Variants in TBX20 observed in about 807,000 individuals in gnomAD.
TBX20 encodes the protein T-box transcription factor 20.
Under a neutral mutation model 42.9 loss-of-function variants are expected in TBX20, and 8 were observed. The observed-to-expected ratio is 0.19, with a 90% CI of 0.11 to 0.34. The LOEUF (loss-of-function observed/expected upper bound fraction) is 0.34, where lower values mean the gene tolerates loss of function less well. Ranked by LOEUF, TBX20 falls within the 10% of genes least tolerant of loss-of-function variation. The probability of loss-of-function intolerance (pLI) is 1.00; values close to 1 mark genes in which losing one functional copy is unlikely to be tolerated. For synonymous variants in TBX20, 198 were observed against 222.8 expected (o/e 0.89, Z 0.99); for missense variants, 411 against 566.0 (o/e 0.73, Z 2.78).
At chr7:35,207,001 A>G (rs1334052527) in intron 6 of TBX20, among the ~76,000 whole-genome samples, 3 of 150,704 alleles carry the variant, frequency 2.0e-5, no homozygotes, top group African/African-American at 7.3e-5. Flanking sequence ...TTTTTAACAA[A>G]TGGACATATA....
chr7:35,230,124 A>G (rs1427189986), intron 6 of TBX20, among the ~76,000 whole-genome samples: 2 of 152,186 alleles, frequency 1.3e-5, no homozygotes, highest in Non-Finnish European at 2.9e-5. Context: ...TAAAACTGAG[A>G]AAAAGTTCAC....
chr7:35,235,658 C>A lies in TBX20; in HGVS notation c.814-4078G>T, dbSNP rs532277195. 1.9e-3 allele frequency among the ~76,000 whole-genome samples: 295 copies of A among 152,322 alleles called. 2 individuals carry two copies. Among genetic ancestry groups the A allele is most frequent in the African/African-American group, 7.0e-3 (290 of 41,578 alleles). ...TCCAAGTTACTAATTCAGTCCAAAACACAACCCTGCTTTTTCGTGTATTTA... is the reference window on the plus strand; with the variant it reads ...TCCAAGTTACTAATTCAGTCCAAAAAACAACCCTGCTTTTTCGTGTATTTA... On this transcript the variant is annotated intron_variant, in intron 5 of 7. Coordinates refer to ENST00000408931, the MANE Select transcript of TBX20 (RefSeq NM_001077653.2).
intron 6 of TBX20, among the ~76,000 whole-genome samples, chr7:35,205,803 T>A (rs1789390163): frequency 6.6e-6 from 1 of 152,196 alleles, no homozygotes; most frequent in South Asian, 2.1e-4. Flanking sequence ...TTAAGTTACA[T>A]CTCTATTCTC....
intron 2 of TBX20, 92 bp from the exon 3 acceptor site, chr7:35,248,933 G>T: frequency 6.6e-7 from 1 of 1,517,770 alleles, no homozygotes; most frequent in Non-Finnish European, 9.1e-7. Flanking sequence ...GAGGGAAGGA[G>T]GGAAAGGGTC....
intron 6 of TBX20, among the ~76,000 whole-genome samples, chr7:35,212,932 A>G (rs1194681814): frequency 5.3e-5 from 8 of 152,084 alleles, no homozygotes; most frequent in Non-Finnish European, 8.8e-5. Flanking sequence ...TGCTTTTTCC[A>G]TGCAGCTTTC....
chr7:35,233,131 A>T (rs1789899781), intron 5 of TBX20, among the ~76,000 whole-genome samples: 1 of 152,204 alleles, frequency 6.6e-6, no homozygotes, highest in Non-Finnish European at 1.5e-5. Context: ...TTCTTTTTTC[A>T]TTTCAAAAGA....
intron 6 of TBX20, among the ~76,000 whole-genome samples, chr7:35,230,342 A>C (rs1194305093): frequency 6.6e-6 from 1 of 152,154 alleles, no homozygotes; most frequent in Non-Finnish European, 1.5e-5. Flanking sequence ...ATGGATTTTC[A>C]ATCACAAGCT....
rs946786014 is a variant in TBX20, at chr7:35,253,872, G to C, written c.-252C>G. On this transcript the variant is annotated 5_prime_UTR_variant, in exon 1 of 8. Transcript: ENST00000408931. ...GAGAGGGCCCACCGAGCACTACGGC[G>C]GGTGCGCACGCCCCGGGGCGCTCGG... 1 of 509,760 alleles carries C rather than the reference G, an allele frequency of 2.0e-6. No individual in the cohort carries two copies. Among genetic ancestry groups the C allele is most frequent in the Non-Finnish European group, 3.5e-6 (1 of 286,486 alleles). The allele number at this position is 509,760 out of a possible 1,614,324, so 31.6% of individuals were successfully genotyped here. A position where few individuals can be genotyped will look rare whatever the true frequency, so the allele number is the denominator to read the frequency against.
At chr7:35,226,719 A>G (rs1174151509) in intron 6 of TBX20, among the ~76,000 whole-genome samples, 1 of 152,204 alleles carries the variant, frequency 6.6e-6, no homozygotes, top group African/African-American at 2.4e-5. Context: ...TAGCCATCAT[A>G]ATGCAGCAAC....
chr7:35,206,797 A>G (rs566718621), intron 6 of TBX20, among the ~76,000 whole-genome samples: 1 of 152,314 alleles, frequency 6.6e-6, no homozygotes, highest in Non-Finnish European at 1.5e-5. Flanking sequence ...TAGCTAATAT[A>G]TTCTTTTTTA....
rs138482230 is a variant in TBX20, at chr7:35,205,034, T to G, written c.891-452A>C. ...ACTGATCCAACAACCAATGAAATGT[T>G]GGCAAAAAGTTCAAATTATCATTAG... On this transcript the variant is annotated intron_variant, in intron 6 of 7. Coordinates refer to ENST00000408931, the MANE Select transcript of TBX20 (RefSeq NM_001077653.2). Among the ~76,000 whole-genome samples, 710 of 152,298 alleles carry G rather than the reference T, an allele frequency of 4.7e-3. 6 individuals are homozygous for G. Among genetic ancestry groups the G allele is most frequent in the African/African-American group, 0.016 (667 of 41,554 alleles).
intron 5 of TBX20, among the ~76,000 whole-genome samples, chr7:35,237,175 C>A (rs2128714165): frequency 6.6e-6 from 1 of 152,200 alleles, no homozygotes; most frequent in Non-Finnish European, 1.5e-5. Flanking sequence ...CCATTCTGAC[C>A]TCAGTTTCTA....
At chr7:35,207,055 A>G (rs959540640) in intron 6 of TBX20, among the ~76,000 whole-genome samples, 2 of 152,210 alleles carry the variant, frequency 1.3e-5, no homozygotes, top group African/African-American at 4.8e-5. Context: ...AAATGACTAA[A>G]TTGCATATAT....
At chr7:35,236,933 T>TA (rs1367176423) in intron 5 of TBX20, among the ~76,000 whole-genome samples, 1 of 194 alleles carries the variant, frequency 5.2e-3, no homozygotes, top group Non-Finnish European at 0.012. Flanking sequence ...TAATTAGAAA[T>TA]AAACCTTGCC....
intron 5 of TBX20, among the ~76,000 whole-genome samples, chr7:35,234,353 A>G (rs946177708): frequency 6.6e-6 from 1 of 152,212 alleles, no homozygotes; most frequent in African/African-American, 2.4e-5. Context: ...ATGATTGAGA[A>G]GTTATCTTAA....
chr7:35,250,218 A>T lies in TBX20; in HGVS notation c.128-15T>A. ...CACAAATTGCTCTGGAGGTAAAGAG[A>T]ATTGTGAATGACAGCTGACACTGTT... On this transcript the variant is annotated splice_polypyrimidine_tract_variant and intron_variant, in intron 1 of 7. Coordinates refer to ENST00000408931, the MANE Select transcript of TBX20 (RefSeq NM_001077653.2). 1.2e-6 allele frequency: 2 copies of T among 1,613,914 alleles called. No individual in the cohort carries two copies. Among genetic ancestry groups the T allele is most frequent in the East Asian group, 4.5e-5 (2 of 44,874 alleles).
Position 35,231,204 on chromosome 7 carries a change from G to A in TBX20, c.890+300C>T, listed in dbSNP as rs937071813. 3.9e-5 allele frequency among the ~76,000 whole-genome samples: 6 copies of A among 152,246 alleles called. No individual in the cohort carries two copies. In the East Asian group the frequency reaches 9.7e-4, roughly 25 times the overall value. ...TATAGACTGCCACTCATTGAGACAC[G>A]AAGCTTAAGAATGTCAAGAGGACTA... On this transcript the variant is annotated intron_variant, in intron 6 of 7. Coordinates refer to ENST00000408931, the MANE Select transcript of TBX20 (RefSeq NM_001077653.2).
intron 5 of TBX20, among the ~76,000 whole-genome samples, chr7:35,232,228 CTA>C (rs1283508474): frequency 1.3e-5 from 2 of 152,058 alleles, no homozygotes. Flanking sequence ...TTTATAAACT[CTA>C]TGTTTTTATG....
At position 35,248,825 on chromosome 7, in the gene TBX20, T is replaced by G. The variant is rs1475470182; in HGVS notation, c.397A>C (p.Ile133Leu). The G allele has an allele frequency of 6.2e-7, 1 of 1,613,896 alleles. No homozygotes were observed. Among genetic ancestry groups the G allele is most frequent in the Non-Finnish European group, 8.5e-7 (1 of 1,180,002 alleles). ...TKSGRRMFPT[I>L]RVSFSGVDPE... The stretch of plus-strand genomic sequence containing the variant: ...TCCACCCCCGAAAAGGACACCCGGA[T>G]GGTTGGAAACATCCTCCTGACAGAG... The change falls in exon 3 of 8, where the codon ATC becomes CTC. Residue 133 changes from isoleucine to leucine, a missense_variant. Around this residue, in one of 5 missense-constraint regions of TBX20, gnomAD observed 12 missense variants for 41.4 expected, o/e 0.29. Coordinates refer to ENST00000408931, the MANE Select transcript of TBX20 (RefSeq NM_001077653.2).
Sources: allele counts gnomAD v4.1 joint callset (sites outside exome capture counted in the v4.1 genomes callset), GRCh38; gene constraint gnomAD v4.1.1; regional missense constraint gnomAD v4.1.1; transcripts MANE v1.5; gene names NCBI Gene and HGNC (gene_info 2026-07-23, HGNC 2026-07-21).